The following ADGRE2 variants were observed in gnomAD, a reference collection of about 807,000 sequenced individuals.
ADGRE2 encodes adhesion G protein-coupled receptor E2.
A neutral mutation model predicts 100.8 loss-of-function variants in ADGRE2; 83 were observed. That is an observed-to-expected ratio of 0.82 (90% CI 0.69 to 0.99). ADGRE2 has a LOEUF of 0.99. Among genes scored for constraint, ADGRE2 ranks in the 50% least tolerant of loss-of-function variants. The pLI is 0.00. For missense variants in ADGRE2, 814 were observed against 1,035.7 expected, an observed-to-expected ratio of 0.79 and a Z score of 2.94; for synonymous variants, 355 against 413.0, an observed-to-expected ratio of 0.86 and a Z score of 1.70.
rs555622807 is a variant in ADGRE2, at chr19:14,759,738, G to A, written c.1085-3393C>T. 5.1e-3 allele frequency among the ~76,000 whole-genome samples: 778 copies of A among 151,188 alleles called. 1 individual carries two copies. The highest frequency in any genetic ancestry group is 7.9e-3 in the Non-Finnish European group (535 of 67,898). ...TCAAACTCCTGATGTCAGGTGATCTGCCTGCCTTGACCTCCCAAAGTGCTA... is the reference window on the plus strand; with the variant it reads ...TCAAACTCCTGATGTCAGGTGATCTACCTGCCTTGACCTCCCAAAGTGCTA... On this transcript the variant is annotated intron_variant, in intron 11 of 20. Transcript: ENST00000315576.
the ADGRE2 span, among the ~76,000 whole-genome samples, chr19:14,726,853 A>T: frequency 6.6e-6 from 1 of 152,066 alleles, no homozygotes; most frequent in Non-Finnish European, 1.5e-5. Flanking sequence ...AAGAAGTTCC[A>T]AACTTTCTCT....
chr19:14,764,756 C>T (rs527855795), intron 10 of ADGRE2, 146 bp from the exon 11 acceptor site: 25 of 817,132 alleles, frequency 3.1e-5, no homozygotes, highest in Admixed American at 5.9e-5. Context: ...CGGTGGCTCA[C>T]GCCTCTAATT....
intron 11 of ADGRE2, among the ~76,000 whole-genome samples, chr19:14,759,503 A>ATATAT (rs60789454): frequency 5.2e-4 from 70 of 133,370 alleles, no homozygotes; most frequent in East Asian, 1.3e-3. Context: ...ATATATATAT[A>ATATAT]TTTTTTTTTT....
At chr19:14,772,056 G>C (rs1036724222) in intron 5 of ADGRE2, 1 of 463,766 alleles carries the variant, frequency 2.2e-6, no homozygotes, top group African/African-American at 1.9e-5. Context: ...TTATAGATGG[G>C]TAAACCAAGG....
intron 20 of ADGRE2, among the ~76,000 whole-genome samples, chr19:14,737,955 C>T (rs551498937): frequency 3.5e-4 from 51 of 144,110 alleles, no homozygotes; most frequent in Middle Eastern, 3.5e-3. Flanking sequence ...CCAGTCTGGG[C>T]GACAGAGTAA....
chr19:14,757,500 T>C (rs2043544013), intron 11 of ADGRE2, among the ~76,000 whole-genome samples: 1 of 152,194 alleles, frequency 6.6e-6, no homozygotes, highest in South Asian at 2.1e-4. Flanking sequence ...ACAGTAATAC[T>C]GGCATAAGGA....
chr19:14,751,942 T>A (rs866684260), intron 15 of ADGRE2, among the ~76,000 whole-genome samples: 268 of 100,412 alleles, frequency 2.7e-3, no homozygotes, highest in Middle Eastern at 0.024. Context: ...TTTTTTTTTT[T>A]TTTTTTTTGA....
At chr19:14,766,170 G>C in intron 7 of ADGRE2, 65 bp downstream of exon 7, 1 of 1,611,756 alleles carries the variant, frequency 6.2e-7, no homozygotes, top group Non-Finnish European at 8.5e-7. Context: ...GGTTTGTGTG[G>C]GCGCCGTTGA....
At chr19:14,767,517 G>T (rs1006624045) in intron 5 of ADGRE2, among the ~76,000 whole-genome samples, 1 of 152,148 alleles carries the variant, frequency 6.6e-6, no homozygotes, top group African/African-American at 2.4e-5. Context: ...GGGATTGCAG[G>T]CATGAGCCAC....
At chr19:14,738,493 C>G (rs911414723) in intron 20 of ADGRE2, among the ~76,000 whole-genome samples, 2 of 152,124 alleles carry the variant, frequency 1.3e-5, no homozygotes, top group African/African-American at 4.8e-5. Context: ...ATACTCCAAT[C>G]TTAGCCTCCC....
intron 18 of ADGRE2, 146 bp from the exon 19 acceptor site, chr19:14,743,930 T>C (rs2043004917): frequency 1.3e-6 from 1 of 786,546 alleles, no homozygotes; most frequent in Admixed American, 2.8e-5. Flanking sequence ...TACTGTCAAC[T>C]ATAGCCCACA....
chr19:14,759,059 A>G (rs2086204378), intron 11 of ADGRE2, among the ~76,000 whole-genome samples: 1 of 152,124 alleles, frequency 6.6e-6, no homozygotes, highest in Non-Finnish European at 1.5e-5. Context: ...AGCCATTTAC[A>G]TACAGCATGA....
At chr19:14,743,098 C>A (rs2042977249) in intron 20 of ADGRE2, among the ~76,000 whole-genome samples, 1 of 151,944 alleles carries the variant, frequency 6.6e-6, no homozygotes, top group African/African-American at 2.4e-5. Flanking sequence ...CCATGTCTGG[C>A]TAATTTTTAT....
chr19:14,727,322 C>T, the ADGRE2 span, among the ~76,000 whole-genome samples: 1 of 152,148 alleles, frequency 6.6e-6, no homozygotes, highest in African/African-American at 2.4e-5. Flanking sequence ...GCCACCAAGC[C>T]CGGCCCAAGA....
At chr19:14,730,459 T>TTCCCTCCCTTCCTCCCTTC (rs2042660989), downstream of ADGRE2, among the ~76,000 whole-genome samples, 230 of 150,896 alleles carry the variant, frequency 1.5e-3, no homozygotes, top group African/African-American at 5.3e-3. Flanking sequence ...TCCCTTCCTC[T>TTCCCTCCCTTCCTCCCTTC]CTTTCTTTCA....
chr19:14,763,236 G>T (rs769837475), intron 11 of ADGRE2, among the ~76,000 whole-genome samples: 1 of 151,870 alleles, frequency 6.6e-6, no homozygotes, highest in Non-Finnish European at 1.5e-5. Context: ...CCAGCTACTC[G>T]GGAGGCTGAG....
chr19:14,770,217 G>A (rs754421702), intron 5 of ADGRE2, among the ~76,000 whole-genome samples: 3 of 152,030 alleles, frequency 2.0e-5, no homozygotes, highest in Non-Finnish European at 2.9e-5. Flanking sequence ...GTGAGTTCTC[G>A]CCTTGTTAGT....
At chr19:14,758,817 G>A (rs2043593027) in intron 11 of ADGRE2, among the ~76,000 whole-genome samples, 1 of 147,224 alleles carries the variant, frequency 6.8e-6, no homozygotes, top group South Asian at 2.1e-4. Context: ...CCCGGGAGGC[G>A]GAGCTTGCAG....
At chr19:14,747,066 C>T in intron 16 of ADGRE2, 104 bp from the exon 17 acceptor site, 2 of 957,798 alleles carry the variant, frequency 2.1e-6, no homozygotes, top group East Asian at 2.6e-5. Flanking sequence ...TTCCTTCCTA[C>T]GTCAACAATA....
Sources: allele counts gnomAD v4.1 joint callset (sites outside exome capture counted in the v4.1 genomes callset), GRCh38; gene constraint gnomAD v4.1.1; transcripts MANE v1.5; gene names NCBI Gene and HGNC (gene_info 2026-07-23, HGNC 2026-07-21).